GSPT1: variants seen among roughly 807,000 people sequenced by gnomAD.
GSPT1 encodes eukaryotic peptide chain release factor GTP-binding subunit ERF3A.
GSPT1 carries 20 observed loss-of-function variants against 72.5 expected under a neutral mutation model. The ratio of observed to expected loss-of-function variants is 0.28; its 90% CI spans 0.19 to 0.40. The LOEUF is 0.40. Among genes scored for constraint, GSPT1 ranks in the 10% least tolerant of loss-of-function variants. The pLI, the probability that GSPT1 is intolerant of heterozygous loss-of-function variation, is 1.00. For synonymous variants in GSPT1, 334 were observed against 293.5 expected, an observed-to-expected ratio of 1.14 and a Z score of -1.41; for missense variants, 580 against 811.9, an observed-to-expected ratio of 0.71 and a Z score of 3.47.
At chr16:11,915,967 C>T (rs373880729), upstream of GSPT1, 6 of 722,188 alleles carry the variant, frequency 8.3e-6, no homozygotes, top group African/African-American at 1.0e-4. Context: ...GGATCTCCTC[C>T]CACCCAACCA....
intron 6 of GSPT1, chr16:11,890,670 C>T (rs2054247236): frequency 2.6e-5 from 4 of 153,020 alleles, no homozygotes; most frequent in Admixed American, 2.0e-4. Flanking sequence ...CATTTTATTT[C>T]CAGCATTTAT....
chr16:11,900,297 C>A (rs1162906141), intron 1 of GSPT1, among the ~76,000 whole-genome samples: 1 of 147,872 alleles, frequency 6.8e-6, no homozygotes, highest in Non-Finnish European at 1.5e-5. Context: ...CACGTCACTG[C>A]ACTCCAGCTT....
At chr16:11,890,444 C>T (rs1035828091) in intron 6 of GSPT1, among the ~76,000 whole-genome samples, 2 of 152,152 alleles carry the variant, frequency 1.3e-5, no homozygotes, top group Non-Finnish European at 2.9e-5. Flanking sequence ...CTTACCTCAT[C>T]ATCTTCACAG....
intron 1 of GSPT1, chr16:11,914,894 A>T: frequency 1.4e-6 from 1 of 695,362 alleles, no homozygotes; most frequent in Non-Finnish European, 2.2e-6. Flanking sequence ...CAATAGTAGA[A>T]AACGCAGCAG....
chr16:11,899,279 GAGTAA>G (rs1326194460), intron 1 of GSPT1, among the ~76,000 whole-genome samples: 2 of 152,108 alleles, frequency 1.3e-5, no homozygotes, highest in African/African-American at 4.8e-5. Context: ...ATCAAATGTT[GAGTAA>G]AGTAATTTCC....
At position 11,876,101 on chromosome 16, in the gene GSPT1, C is replaced by T. The variant is rs371628512; in HGVS notation, c.1677G>A (p.Glu559=). Residue 559 remains glutamate, a synonymous_variant, in exon 13 of 15, where the codon GAG becomes GAA. Coordinates refer to ENST00000434724, the MANE Select transcript of GSPT1 (RefSeq NM_002094.4). ...TTAAACTCACTGTTATTTCCACCTC[C>T]TCAATACAGGTATGAATATGCAGCA... ...NAVLHIHTCI[E]EVEITALICL... The T allele has an allele frequency of 2.5e-6, 4 of 1,599,716 alleles. No individual in the cohort carries two copies. The highest frequency in any genetic ancestry group is 2.2e-5 in the East Asian group (1 of 44,830).
At position 11,869,089 on chromosome 16, in the gene GSPT1, C is replaced by CCTTT. The variant is rs1420848509; in HGVS notation, c.*4029_*4030insAAAG. ...TATTAAAGTCAAGAATATCCTAGAG[C>CCTTT]CAAAAACCACCAAAAGTTGAACCAA... On this transcript the variant is annotated 3_prime_UTR_variant, in exon 15 of 15. Coordinates refer to ENST00000434724, the MANE Select transcript of GSPT1 (RefSeq NM_002094.4). 1.3e-5 allele frequency: 2 copies of CCTTT among 152,072 alleles called. No individual in the cohort carries two copies. Among genetic ancestry groups the CCTTT allele is most frequent in the Non-Finnish European group, 2.9e-5 (2 of 68,020 alleles). 9.4% of individuals were successfully genotyped at this position (152,072 alleles called of 1,614,324 possible). A position where few individuals can be genotyped will look rare whatever the true frequency, so the allele number is the denominator to read the frequency against.
rs1319658963 is a variant in GSPT1, at chr16:11,896,640, T to C, written c.582A>G (p.Glu194=). ...SAHEMMEEEE[E]IPKPKSVVAP... ...CAACCACAGACTTAGGTTTTGGGAT[T>C]TCCTCTTCCTCCTCCATCATTTCAT... Residue 194 remains glutamate, a synonymous_variant, in exon 4 of 15, where the codon GAA becomes GAG. Coordinates refer to ENST00000434724, the MANE Select transcript of GSPT1 (RefSeq NM_002094.4). 6.2e-7 allele frequency: 1 copy of C among 1,609,690 alleles called. No individual in the cohort carries two copies. Among genetic ancestry groups the C allele is most frequent in the Admixed American group, 1.7e-5 (1 of 59,428 alleles).
intron 1 of GSPT1, among the ~76,000 whole-genome samples, chr16:11,904,615 A>G (rs1234800888): frequency 6.6e-6 from 1 of 152,106 alleles, no homozygotes; most frequent in Non-Finnish European, 1.5e-5. Flanking sequence ...CTTGGCCAGC[A>G]TATCCTCACA....
At chr16:11,874,735 T>TC (rs2054018951) in intron 14 of GSPT1, among the ~76,000 whole-genome samples, 1 of 152,184 alleles carries the variant, frequency 6.6e-6, no homozygotes, top group South Asian at 2.1e-4. Flanking sequence ...ACTGTATTCA[T>TC]CACCAGGGCT....
rs2054630619 is a variant in GSPT1, at chr16:11,915,877, T to C, written c.-157A>G. On this transcript the variant is annotated 5_prime_UTR_variant, in exon 1 of 15. Transcript: ENST00000434724. The stretch of plus-strand genomic sequence containing the variant: ...TCCCCGGCGTCGCCGCGGCAGCAGC[T>C]CCAGTCCCGACTCCACACTCGCGAC... 8.9e-7 allele frequency: 1 copy of C among 1,120,614 alleles called. No homozygotes were observed. Among genetic ancestry groups the C allele is most frequent in the South Asian group, 1.2e-5 (1 of 81,152 alleles). 69.4% of individuals were successfully genotyped at this position (1,120,614 alleles called of 1,614,324 possible). A position where few individuals can be genotyped will look rare whatever the true frequency, so the allele number is the denominator to read the frequency against.
intron 1 of GSPT1, among the ~76,000 whole-genome samples, chr16:11,907,991 C>T (rs1463586700): frequency 6.6e-6 from 1 of 152,206 alleles, no homozygotes; most frequent in Admixed American, 6.5e-5. Context: ...CATGTAATCC[C>T]AGCACTTTGG....
At chr16:11,887,829 A>T (rs1482176727) in intron 6 of GSPT1, 79 bp from the exon 7 acceptor site, 2 of 939,168 alleles carry the variant, frequency 2.1e-6, no homozygotes, top group African/African-American at 3.3e-5. Context: ...TTAAAGATAT[A>T]ATGGATGACA....
At chr16:11,879,084 T>TAAA (rs1486496655) in intron 11 of GSPT1, among the ~76,000 whole-genome samples, 2 of 68,406 alleles carry the variant, frequency 2.9e-5, no homozygotes, top group South Asian at 6.5e-4. Context: ...CTCCAAAAAA[T>TAAA]AAAAAATAAT....
At chr16:11,910,823 C>A (rs1399060830) in intron 1 of GSPT1, among the ~76,000 whole-genome samples, 1 of 152,174 alleles carries the variant, frequency 6.6e-6, no homozygotes, top group Non-Finnish European at 1.5e-5. Context: ...AATACCTGCT[C>A]CAAAGAGGGT....
upstream of GSPT1, chr16:11,915,989 C>T: frequency 4.3e-6 from 3 of 698,746 alleles, no homozygotes; most frequent in Non-Finnish European, 8.0e-6. Context: ...CTCCGACGGC[C>T]TCACAGCCAA....
chr16:11,912,597 T>C (rs2054574734), intron 1 of GSPT1, among the ~76,000 whole-genome samples: 1 of 152,308 alleles, frequency 6.6e-6, no homozygotes, highest in Admixed American at 6.5e-5. Flanking sequence ...CACCACATCA[T>C]TACTTTAGAA....
chr16:11,888,376 C>T (rs570506335), intron 6 of GSPT1, among the ~76,000 whole-genome samples: 3 of 151,836 alleles, frequency 2.0e-5, no homozygotes, highest in Admixed American at 6.6e-5. Flanking sequence ...GCAGGACAAT[C>T]GCTTGAAGCT....
At chr16:11,894,223 C>T (rs2054306708) in intron 5 of GSPT1, among the ~76,000 whole-genome samples, 1 of 144,728 alleles carries the variant, frequency 6.9e-6, no homozygotes, top group African/African-American at 2.6e-5. Context: ...ATGGCAAGCC[C>T]TCTAGGTCCT....
Sources: allele counts gnomAD v4.1 joint callset (sites outside exome capture counted in the v4.1 genomes callset), GRCh38; gene constraint gnomAD v4.1.1; transcripts MANE v1.5; gene names NCBI Gene and HGNC (gene_info 2026-07-23, HGNC 2026-07-21).